Variants in TAF4B observed in about 807,000 individuals in gnomAD.
TAF4B encodes the protein TATA-box binding protein associated factor 4b, also known as transcription initiation factor TFIID subunit 4B.
TAF4B carries 38 observed loss-of-function variants against 86.4 expected under a neutral mutation model. That is an observed-to-expected ratio of 0.44 (90% CI 0.34 to 0.58). The LOEUF (loss-of-function observed/expected upper bound fraction) is 0.58. Ranked by LOEUF, TAF4B falls within the 20% of genes least tolerant of loss-of-function variation. The pLI is 0.02. For synonymous variants in TAF4B, 388 were observed against 391.2 expected (o/e 0.99, Z 0.10); for missense variants, 988 against 1,027.6 (o/e 0.96, Z 0.53).
intron 1 of TAF4B, among the ~76,000 whole-genome samples, chr18:26,241,377 A>C (rs8093845): frequency 6.6e-6 from 1 of 151,934 alleles, no homozygotes; most frequent in Non-Finnish European, 1.5e-5. Flanking sequence ...TGCGTAGAGG[A>C]GTTTATAGTA....
At chr18:26,264,441 A>G (rs1273612924) in intron 1 of TAF4B, among the ~76,000 whole-genome samples, 1 of 152,222 alleles carries the variant, frequency 6.6e-6, no homozygotes, top group Non-Finnish European at 1.5e-5. Flanking sequence ...AATAAAAATA[A>G]AAGAGTTATT....
intron 7 of TAF4B, among the ~76,000 whole-genome samples, chr18:26,288,412 A>C (rs1337565979): frequency 1.3e-5 from 2 of 152,158 alleles, no homozygotes; most frequent in Admixed American, 6.5e-5. Flanking sequence ...AGGCGGGCGG[A>C]TCACCTGAGG....
intron 9 of TAF4B, among the ~76,000 whole-genome samples, chr18:26,306,750 T>C (rs1598783212): frequency 6.6e-6 from 1 of 152,052 alleles, no homozygotes; most frequent in Admixed American, 6.6e-5. Flanking sequence ...CCCTGGATAC[T>C]TACATCACTT....
intron 1 of TAF4B, among the ~76,000 whole-genome samples, chr18:26,247,884 G>C (rs1437222816): frequency 2.0e-5 from 3 of 150,776 alleles, no homozygotes; most frequent in Non-Finnish European, 3.0e-5. Flanking sequence ...TCAAAAAAAA[G>C]TAAAAAAAAT....
chr18:26,341,130 G>A (rs919273000), intron 13 of TAF4B, among the ~76,000 whole-genome samples: 4 of 152,038 alleles, frequency 2.6e-5, no homozygotes, highest in African/African-American at 9.7e-5. Context: ...TGGAAGTAAA[G>A]TATCTTGGAT....
intron 5 of TAF4B, among the ~76,000 whole-genome samples, chr18:26,277,745 A>G (rs528331164): frequency 6.6e-6 from 1 of 152,324 alleles, no homozygotes; most frequent in South Asian, 2.1e-4. Flanking sequence ...TTACCCACGT[A>G]TGATTTTTGT....
At chr18:26,256,210 C>T (rs2056081947) in intron 1 of TAF4B, 5 of 1,607,560 alleles carry the variant, frequency 3.1e-6, no homozygotes, top group Admixed American at 1.7e-5. Context: ...CAGATGTCTC[C>T]TGAAGGAGTC....
In TAF4B at chr18:26,286,355, A is replaced by T. The variant is rs560205783; in HGVS notation, c.1446A>T (p.Pro482=). ...CTTCAGGTGCAGCTATTTGTCTTCC[A>T]TCTGTGAAACCTGTTGTTTCTTCTG... ...GETSGAAICL[P]SVKPVVSSAG... The change falls in exon 7 of 15, where the codon CCA becomes CCT. Residue 482 remains proline (P), a synonymous_variant. Coordinates refer to ENST00000269142, the MANE Select transcript of TAF4B (RefSeq NM_005640.3). The T allele has an allele frequency of 1.5e-5, 24 of 1,614,250 alleles. 1 individual carries two copies. In the South Asian group the frequency reaches 2.5e-4, roughly 17 times the overall value.
intron 13 of TAF4B, among the ~76,000 whole-genome samples, chr18:26,353,951 T>C (rs905167307): frequency 1.3e-5 from 2 of 152,262 alleles, no homozygotes; most frequent in Non-Finnish European, 2.9e-5. Context: ...CCTATGGTTT[T>C]TTCCTATACA....
chr18:26,226,907 C>T lies in TAF4B; in HGVS notation c.-27C>T. The stretch of plus-strand genomic sequence containing the variant: ...CACCTCTGCTCCCGGAACCGCAGCG[C>T]CAAAGCTGCCGCTGAGCCCCTGGGG... On this transcript the variant is annotated 5_prime_UTR_variant, in exon 1 of 15. Transcript: ENST00000269142. 7.4e-7 allele frequency: 1 copy of T among 1,348,932 alleles called. No homozygotes were observed. The highest frequency in any genetic ancestry group is 9.5e-7 in the Non-Finnish European group (1 of 1,057,976). The allele number at this position is 1,348,932 out of a possible 1,614,324, so 83.6% of individuals were successfully genotyped here.
At chr18:26,355,118 T>A (rs2057277714) in intron 13 of TAF4B, among the ~76,000 whole-genome samples, 2 of 152,252 alleles carry the variant, frequency 1.3e-5, no homozygotes, top group African/African-American at 4.8e-5. Context: ...TAGATTTATA[T>A]CTCAGTATTT....
Position 26,285,965 on chromosome 18 carries a change from G to A in TAF4B, c.1056G>A (p.Met352Ile). Residue 352 changes from methionine (M) to isoleucine (I), a missense_variant, in exon 7 of 15, where the codon ATG (methionine) becomes ATA (isoleucine). Physicochemically the swap from Met to Ile is conservative, Grantham distance 10 (BLOSUM62 1). Around this residue, in one of 3 missense-constraint regions of TAF4B, gnomAD observed 747 missense variants for 737.9 expected, o/e 1.01. Coordinates refer to ENST00000269142, the MANE Select transcript of TAF4B (RefSeq NM_005640.3). Reference sequence around the variant, plus strand: ...GTGTTCAGCAGACTTCTAGTGACATGGTCATTGCTACCTGTACTACAACAG... The same window carrying A: ...GTGTTCAGCAGACTTCTAGTGACATAGTCATTGCTACCTGTACTACAACAG... ...QQCVQQTSSD[M>I]VIATCTTTVT... The A allele has an allele frequency of 6.2e-7, 1 of 1,614,166 alleles. No individual in the cohort carries two copies. The highest frequency in any genetic ancestry group is 8.5e-7 in the Non-Finnish European group (1 of 1,180,014).
At chr18:26,304,524 AG>A (rs1324317064) in intron 9 of TAF4B, among the ~76,000 whole-genome samples, 1 of 152,214 alleles carries the variant, frequency 6.6e-6, no homozygotes, top group East Asian at 1.9e-4. Flanking sequence ...ATTAAACCTG[AG>A]GGTCTAAACT....
At chr18:26,233,551 A>G (rs1598704430) in intron 1 of TAF4B, among the ~76,000 whole-genome samples, 1 of 152,120 alleles carries the variant, frequency 6.6e-6, no homozygotes, top group South Asian at 2.1e-4. Context: ...GGGTGTAATT[A>G]TGCTGATGGG....
At chr18:26,277,420 G>A (rs1223738398) in intron 5 of TAF4B, among the ~76,000 whole-genome samples, 1 of 152,106 alleles carries the variant, frequency 6.6e-6, no homozygotes, top group Non-Finnish European at 1.5e-5. Flanking sequence ...CCCATTAAAT[G>A]TTAACACAAC....
At chr18:26,291,878 C>G (rs1054934466) in intron 7 of TAF4B, among the ~76,000 whole-genome samples, 2 of 151,686 alleles carry the variant, frequency 1.3e-5, no homozygotes, top group African/African-American at 2.4e-5. Flanking sequence ...CAAGATTGAT[C>G]AAGAATTAAT....
intron 11 of TAF4B, among the ~76,000 whole-genome samples, chr18:26,325,753 A>G (rs9961318): frequency 0.097 from 14,705 of 152,172 alleles, 2,234 homozygotes; most frequent in African/African-American, 0.32. Flanking sequence ...TTTAATCTCT[A>G]TGGTTAGCCT....
Position 26,309,280 on chromosome 18 carries a change from T to G in TAF4B, c.1833-5949T>G, listed in dbSNP as rs902504497. Reference sequence around the variant, plus strand: ...TTTTTTTTTTTTTTTTTTTTTTTTTTGCCAATGATAAAGTTGGAGCTATCA... The same window carrying G: ...TTTTTTTTTTTTTTTTTTTTTTTTTGGCCAATGATAAAGTTGGAGCTATCA... On this transcript the variant is annotated intron_variant, in intron 9 of 14. Coordinates refer to ENST00000269142, the MANE Select transcript of TAF4B (RefSeq NM_005640.3). Among the ~76,000 whole-genome samples, 22 of 81,562 alleles carry G rather than the reference T, an allele frequency of 2.7e-4. 1 individual carries two copies. The highest frequency in any genetic ancestry group is 1.0e-3 in the African/African-American group (22 of 22,086). The allele number at this position is 81,562 out of a possible 152,430, so 53.5% of individuals were successfully genotyped here. A position where few individuals can be genotyped will look rare whatever the true frequency, so the allele number is the denominator to read the frequency against.
chr18:26,328,341 C>G (rs1013869689), intron 12 of TAF4B, among the ~76,000 whole-genome samples: 1 of 151,938 alleles, frequency 6.6e-6, no homozygotes, highest in African/African-American at 2.4e-5. Context: ...CTCAGCTACT[C>G]AGGAGGCTGA....
Sources: gnomAD v4.1 joint callset for allele counts (sites outside exome capture counted in the v4.1 genomes callset) on GRCh38, gnomAD v4.1.1 for gene constraint, gnomAD v4.1.1 regional missense constraint, MANE v1.5 for transcripts, NCBI Gene and HGNC (gene_info 2026-07-23, HGNC 2026-07-21) for gene names.